LRIG2: variants seen among roughly 807,000 people sequenced by gnomAD.
LRIG2 encodes the protein leucine rich repeats and immunoglobulin like domains 2.
In LRIG2, 93 loss-of-function variants were observed where a neutral mutation model predicts 107.8. The observed-to-expected ratio is 0.86, with a 90% confidence interval of 0.73 to 1.03. LRIG2 has a LOEUF of 1.03. LRIG2 is among the 50% of genes least tolerant of loss of function. The pLI is 0.00. For synonymous variants in LRIG2, 471 were observed against 470.6 expected (o/e 1.00, Z -0.01); for missense variants, 1,226 against 1,296.0 (o/e 0.95, Z 0.83).
intron 5 of LRIG2, 58 bp downstream of exon 5, chr1:113,094,540 C>G: frequency 6.4e-7 from 1 of 1,572,390 alleles, no homozygotes; most frequent in Non-Finnish European, 8.6e-7. Context: ...GGGTCTTTTT[C>G]TTTTTAATTT....
At chr1:113,112,836 A>G in intron 14 of LRIG2, 76 bp downstream of exon 14, 3 of 1,388,088 alleles carry the variant, frequency 2.2e-6, no homozygotes, top group Non-Finnish European at 2.9e-6. Context: ...TGAGCAAGAA[A>G]AATAAGTTTG....
chr1:113,111,066 G>A (rs1207990971), intron 13 of LRIG2, among the ~76,000 whole-genome samples: 4 of 151,330 alleles, frequency 2.6e-5, no homozygotes, highest in Admixed American at 1.3e-4. Flanking sequence ...ATGGAGTCTC[G>A]CTCTGTCGCC....
intron 11 of LRIG2, among the ~76,000 whole-genome samples, chr1:113,101,355 A>T (rs1253634566): frequency 6.6e-6 from 1 of 152,154 alleles, no homozygotes; most frequent in African/African-American, 2.4e-5. Flanking sequence ...GGCGTGAGCC[A>T]CCGGTCCCGC....
chr1:113,075,140 A>G (rs935284531), intron 1 of LRIG2, among the ~76,000 whole-genome samples: 1 of 151,868 alleles, frequency 6.6e-6, no homozygotes, highest in African/African-American at 2.4e-5. Context: ...TGAACCCGGG[A>G]GGGCGAGGTT....
At chr1:113,079,764 C>T (rs962925228) in intron 1 of LRIG2, among the ~76,000 whole-genome samples, 15 of 110,648 alleles carry the variant, frequency 1.4e-4, no homozygotes, top group African/African-American at 4.7e-4. Flanking sequence ...TTTTTTGAGG[C>T]GGAGTCTTGC....
rs1654290738 is a variant in LRIG2 at position 113,101,139 on chromosome 1, C to T, written c.1313+651C>T. ...AGGCTGGAGTGCAGTGGTGCGATCT[C>T]GGCCCACTGCAACCTCTGCCTCCTG... On this transcript the variant is annotated intron_variant, in intron 11 of 17. Coordinates refer to ENST00000361127, the MANE Select transcript of LRIG2 (RefSeq NM_014813.3). Among the ~76,000 whole-genome samples, 3 of 152,174 alleles carry T rather than the reference C, an allele frequency of 2.0e-5. No individual in the cohort carries two copies. The South Asian group carries it at 6.2e-4, about 32-fold the overall frequency.
At chr1:113,115,663 G>C (rs2101062710) in intron 15 of LRIG2, among the ~76,000 whole-genome samples, 1 of 152,108 alleles carries the variant, frequency 6.6e-6, no homozygotes, top group East Asian at 1.9e-4. Flanking sequence ...GAGTAGCTGG[G>C]ACTACAGGCG....
At chr1:113,074,818 A>G (rs542761539) in intron 1 of LRIG2, among the ~76,000 whole-genome samples, 1 of 150,188 alleles carries the variant, frequency 6.7e-6, no homozygotes, top group East Asian at 2.0e-4. Flanking sequence ...CTGAGGCAGG[A>G]GAATCGCTTG....
chr1:113,073,730 T>G, intron 1 of LRIG2, 85 bp downstream of exon 1: 4 of 1,280,712 alleles, frequency 3.1e-6, no homozygotes, highest in Non-Finnish European at 4.3e-6. Context: ...ACAGGCCTGG[T>G]CGGAGGGTGT....
chr1:113,123,954 T>C lies in LRIG2; in HGVS notation c.3051T>C (p.His1017=), dbSNP rs200648263. 6.2e-7 allele frequency: 1 copy of C among 1,614,152 alleles called. No homozygotes were observed. Among genetic ancestry groups the C allele is most frequent in the African/African-American group, 1.3e-5 (1 of 75,026 alleles). ...PHPPFSQQPV[H]ESPQLHQNEG... ...CTCCTTTTTCCCAGCAGCCAGTCCA[T>C]GAGTCACCACAACTTCATCAAAATG... The change falls in exon 18 of 18, where the codon CAT becomes CAC. Residue 1017 remains histidine, a synonymous_variant. Coordinates refer to ENST00000361127, the MANE Select transcript of LRIG2 (RefSeq NM_014813.3).
At chr1:113,122,595 CTTTGGG>C (rs1655310503) in intron 17 of LRIG2, among the ~76,000 whole-genome samples, 1 of 152,120 alleles carries the variant, frequency 6.6e-6, no homozygotes, top group South Asian at 2.1e-4. Context: ...TTTTTTGTAA[CTTTGGG>C]GATGCCTTCA....
chr1:113,076,458 A>G (rs1165213663), intron 1 of LRIG2, among the ~76,000 whole-genome samples: 1 of 152,242 alleles, frequency 6.6e-6, no homozygotes, highest in Non-Finnish European at 1.5e-5. Flanking sequence ...AATGTCCTAT[A>G]ATGAAATGAC....
chr1:113,080,142 T>C (rs1170033715), intron 1 of LRIG2, among the ~76,000 whole-genome samples: 4 of 147,232 alleles, frequency 2.7e-5, no homozygotes, highest in Non-Finnish European at 5.9e-5. Flanking sequence ...TGCCTCAGCC[T>C]CCCAAGTAGC....
intron 1 of LRIG2, among the ~76,000 whole-genome samples, chr1:113,090,660 A>AC (rs1653763991): frequency 6.6e-6 from 1 of 150,778 alleles, no homozygotes; most frequent in African/African-American, 2.4e-5. Context: ...ACATGGTGAA[A>AC]CCCCGTCTCT....
chr1:113,107,841 C>A, intron 12 of LRIG2, 84 bp downstream of exon 12: 1 of 1,227,622 alleles, frequency 8.1e-7, no homozygotes, highest in Non-Finnish European at 1.1e-6. Context: ...AATGGTTTTC[C>A]ACTAGGAATT....
rs756112270 is a variant in LRIG2, at chr1:113,119,501, T to A, written c.2949T>A (p.Leu983=). 1.2e-6 allele frequency: 2 copies of A among 1,614,098 alleles called. No homozygotes were observed. Among genetic ancestry groups the A allele is most frequent in the Admixed American group, 3.3e-5 (2 of 60,010 alleles). ...ATGAGAGGATAAGTGAGAAGAAACT[T>A]CCCTCCACACAGATGAGCGGTGGTA... is the stretch of plus-strand genomic sequence containing the variant. ...TNHERISEKK[L]PSTQMSGETL... The change falls in exon 17 of 18, where the codon CTT becomes CTA. Residue 983 remains leucine (L), a synonymous_variant. Coordinates refer to ENST00000361127, the MANE Select transcript of LRIG2 (RefSeq NM_014813.3).
intron 11 of LRIG2, among the ~76,000 whole-genome samples, chr1:113,103,008 C>CT (rs11403811): frequency 0.7 from 104,855 of 150,620 alleles, 37,133 homozygotes; most frequent in East Asian, 0.85. Flanking sequence ...CGCCCCCCTC[C>CT]TTTTTTTTTG....
chr1:113,095,465 G>T (rs1032592928), intron 6 of LRIG2, among the ~76,000 whole-genome samples: 2 of 151,854 alleles, frequency 1.3e-5, no homozygotes, highest in Non-Finnish European at 2.9e-5. Context: ...CTGGAGTGCA[G>T]TGGCACAGTC....
At chr1:113,105,938 A>T (rs766905968) in intron 11 of LRIG2, among the ~76,000 whole-genome samples, 32 of 152,170 alleles carry the variant, frequency 2.1e-4, no homozygotes, top group Middle Eastern at 3.4e-3. Flanking sequence ...CATTCTTAAA[A>T]TTGAAACTTT....
Sources: gnomAD v4.1 joint callset for allele counts (sites outside exome capture counted in the v4.1 genomes callset) on GRCh38, gnomAD v4.1.1 for gene constraint, MANE v1.5 for transcripts, NCBI Gene and HGNC (gene_info 2026-07-23, HGNC 2026-07-21) for gene names.